The following HCN1 variants were observed in gnomAD, a reference collection of about 807,000 sequenced individuals.
HCN1 encodes potassium/sodium hyperpolarization-activated cyclic nucleotide-gated channel 1.
A neutral mutation model predicts 78.9 loss-of-function variants in HCN1; 13 were observed. That is an observed-to-expected ratio of 0.16 (90% CI 0.11 to 0.26). The LOEUF (loss-of-function observed/expected upper bound fraction) is 0.26. HCN1 is among the 10% of genes least tolerant of loss of function. HCN1 has a pLI of 1.00. For missense variants in HCN1, 810 were observed against 1,154.3 expected (o/e 0.70, Z 4.32); for synonymous variants, 552 against 455.5 (o/e 1.21, Z -2.70).
Position 45,258,290 on chromosome 5 carries a change from ATTG to A in HCN1, c.*3628_*3630del, listed in dbSNP as rs1469172061. The A allele has an allele frequency of 6.6e-6, 1 of 152,176 alleles. No individual in the cohort carries two copies. The highest frequency in any genetic ancestry group is 2.4e-5 in the African/African-American group (1 of 41,436). The allele number at this position is 152,176 out of a possible 1,614,324, so 9.4% of individuals were successfully genotyped here. A position where few individuals can be genotyped will look rare whatever the true frequency, so the allele number is the denominator to read the frequency against. ...TCATCTAAAATTTTAAACATGTCAT[ATTG>A]TTTAAATCATTCTCTGTCCTATAGG... On this transcript the variant is annotated 3_prime_UTR_variant, in exon 8 of 8. Transcript: ENST00000303230.
chr5:45,269,041 G>T (rs1278340578), intron 6 of HCN1, among the ~76,000 whole-genome samples: 1 of 152,154 alleles, frequency 6.6e-6, no homozygotes, highest in Non-Finnish European at 1.5e-5. Flanking sequence ...AATGAAAGAA[G>T]ACAGACATGA....
At chr5:45,679,033 A>T (rs750291958) in intron 1 of HCN1, among the ~76,000 whole-genome samples, 8 of 152,028 alleles carry the variant, frequency 5.3e-5, no homozygotes, top group Non-Finnish European at 1.2e-4. Flanking sequence ...CAGAACAAAA[A>T]ATATGTATAA....
At chr5:45,690,083 G>C (rs1167905045) in intron 1 of HCN1, among the ~76,000 whole-genome samples, 1 of 151,986 alleles carries the variant, frequency 6.6e-6, no homozygotes, top group African/African-American at 2.4e-5. Flanking sequence ...GATGTTTGTT[G>C]CAGCACTTTT....
intron 4 of HCN1, among the ~76,000 whole-genome samples, chr5:45,378,115 T>C (rs551921188): frequency 5.3e-5 from 8 of 152,080 alleles, no homozygotes; most frequent in Admixed American, 2.0e-4. Flanking sequence ...CTGACTATGT[T>C]AATTTTACAG....
At chr5:45,411,121 A>G (rs962197790) in intron 3 of HCN1, among the ~76,000 whole-genome samples, 24 of 152,136 alleles carry the variant, frequency 1.6e-4, no homozygotes, top group Non-Finnish European at 3.4e-4. Context: ...CTCCACTCAC[A>G]TTACATTTGA....
chr5:45,287,080 CGTGTGT>C (rs765679473), intron 6 of HCN1, among the ~76,000 whole-genome samples: 2 of 148,152 alleles, frequency 1.3e-5, no homozygotes, highest in African/African-American at 4.9e-5. Context: ...AGAAGGTATG[CGTGTGT>C]GTGTGTGTGT....
chr5:45,268,646 G>A (rs1244656728), intron 6 of HCN1, among the ~76,000 whole-genome samples: 1 of 152,146 alleles, frequency 6.6e-6, no homozygotes, highest in African/African-American at 2.4e-5. Context: ...ACCAGTCTGG[G>A]AAGATAGAGA....
At chr5:45,621,984 G>C (rs1745070941) in intron 2 of HCN1, among the ~76,000 whole-genome samples, 1 of 152,088 alleles carries the variant, frequency 6.6e-6, no homozygotes, top group African/African-American at 2.4e-5. Flanking sequence ...TTCTTGGGAG[G>C]CTGAGGCAGG....
At chr5:45,414,324 G>T (rs558972924) in intron 3 of HCN1, among the ~76,000 whole-genome samples, 8 of 151,812 alleles carry the variant, frequency 5.3e-5, no homozygotes, top group Non-Finnish European at 1.2e-4. Flanking sequence ...ACAAACCTGG[G>T]TTACTCTCAA....
intron 2 of HCN1, among the ~76,000 whole-genome samples, chr5:45,462,744 A>C (rs955159586): frequency 6.6e-6 from 1 of 152,090 alleles, no homozygotes; most frequent in African/African-American, 2.4e-5. Flanking sequence ...CACAAACATT[A>C]TGACAAATCA....
At chr5:45,459,699 T>A (rs1045856127) in intron 3 of HCN1, among the ~76,000 whole-genome samples, 1 of 152,126 alleles carries the variant, frequency 6.6e-6, no homozygotes, top group African/African-American at 2.4e-5. Context: ...TTTTACTATA[T>A]CTATGATGAC....
At chr5:45,651,476 T>C (rs1745673862) in intron 1 of HCN1, among the ~76,000 whole-genome samples, 1 of 151,960 alleles carries the variant, frequency 6.6e-6, no homozygotes, top group Non-Finnish European at 1.5e-5. Flanking sequence ...TTATAACAAC[T>C]TATCAACCTG....
chr5:45,657,469 G>A (rs1381511130), intron 1 of HCN1, among the ~76,000 whole-genome samples: 2 of 152,198 alleles, frequency 1.3e-5, no homozygotes, highest in Non-Finnish European at 2.9e-5. Flanking sequence ...TTAGTAGGCA[G>A]ATGTTGCACT....
chr5:45,497,540 T>C (rs989068221), intron 2 of HCN1, among the ~76,000 whole-genome samples: 62 of 152,200 alleles, frequency 4.1e-4, no homozygotes, highest in Non-Finnish European at 6.3e-4. Context: ...CCTTTTTTTG[T>C]TTTCCATTGG....
intron 2 of HCN1, among the ~76,000 whole-genome samples, chr5:45,618,646 T>C (rs1000889269): frequency 1.3e-5 from 2 of 152,132 alleles, no homozygotes; most frequent in African/African-American, 4.8e-5. Context: ...GTCTGTAGTA[T>C]TCTTTCTAAA....
chr5:45,637,064 AT>A (rs1166646560), intron 2 of HCN1, among the ~76,000 whole-genome samples: 1 of 152,138 alleles, frequency 6.6e-6, no homozygotes, highest in Non-Finnish European at 1.5e-5. Context: ...TGGACAGAAA[AT>A]CATCAATATC....
chr5:45,478,848 G>A (rs1044766017), intron 2 of HCN1, among the ~76,000 whole-genome samples: 1 of 152,144 alleles, frequency 6.6e-6, no homozygotes, highest in African/African-American at 2.4e-5. Flanking sequence ...AGAAGGCAGG[G>A]CGTGGTGGCT....
chr5:45,622,815 A>C (rs1489500436), intron 2 of HCN1, among the ~76,000 whole-genome samples: 1 of 152,162 alleles, frequency 6.6e-6, no homozygotes, highest in African/African-American at 2.4e-5. Flanking sequence ...ATTGTATATA[A>C]GGTTATACAA....
At chr5:45,393,156 T>C (rs1739617916) in intron 4 of HCN1, among the ~76,000 whole-genome samples, 1 of 152,208 alleles carries the variant, frequency 6.6e-6, no homozygotes, top group African/African-American at 2.4e-5. Context: ...GTTGGTGATA[T>C]TCGTATTTTA....
Sources: allele counts gnomAD v4.1 joint callset (sites outside exome capture counted in the v4.1 genomes callset), GRCh38; gene constraint gnomAD v4.1.1; transcripts MANE v1.5; gene names NCBI Gene and HGNC (gene_info 2026-07-23, HGNC 2026-07-21).